Variants in KIAA1217 observed in about 807,000 individuals in gnomAD.
KIAA1217 encodes the protein KIAA1217.
KIAA1217 carries 88 observed loss-of-function variants against 163.9 expected under a neutral mutation model. The ratio of observed to expected loss-of-function variants is 0.54; its 90% CI spans 0.45 to 0.64. The LOEUF is 0.64. Among genes scored for constraint, KIAA1217 ranks in the 30% least tolerant of loss-of-function variants. The pLI, the probability that KIAA1217 is intolerant of heterozygous loss-of-function variation, is 0.00. For missense variants in KIAA1217, 2,372 were observed against 2,475.0 expected (o/e 0.96, Z 0.88); for synonymous variants, 903 against 923.1 (o/e 0.98, Z 0.39).
chr10:24,516,769 T>C (rs2070242389), intron 10 of KIAA1217, among the ~76,000 whole-genome samples: 1 of 152,178 alleles, frequency 6.6e-6, no homozygotes, highest in African/African-American at 2.4e-5. Context: ...CTGAACCACA[T>C]AGTAGAAGTA....
At chr10:24,494,680 C>A in intron 7 of KIAA1217, 76 bp downstream of exon 7, 3 of 1,014,250 alleles carry the variant, frequency 3.0e-6, no homozygotes, top group East Asian at 2.5e-5. Flanking sequence ...TTCATTCATT[C>A]AAATCTGTTT....
intron 5 of KIAA1217, among the ~76,000 whole-genome samples, chr10:24,461,892 G>A (rs2062443055): frequency 6.6e-6 from 1 of 152,084 alleles, no homozygotes; most frequent in Non-Finnish European, 1.5e-5. Flanking sequence ...GTGCCTCTGT[G>A]GGTGGTGCAT....
At position 24,505,447 on chromosome 10, in the gene KIAA1217, G is replaced by GA. The variant is rs1252572953; in HGVS notation, c.2001+3909dup. On this transcript the variant is annotated intron_variant, in intron 9 of 20. Coordinates refer to ENST00000376454, the MANE Select transcript of KIAA1217 (RefSeq NM_019590.5). ...CTGTTACCTTTCCTGATATCATTTT[G>GA]AAAAAAAGCCCACTTTTTCTAAATA... is the stretch of plus-strand genomic sequence containing the variant. Among the ~76,000 whole-genome samples, 7 of 151,536 alleles carry GA rather than the reference G, an allele frequency of 4.6e-5. No homozygotes were observed. The East Asian group carries it at 7.7e-4, about 17-fold the overall frequency.
At chr10:24,236,376 A>G (rs2072267540) in intron 2 of KIAA1217, among the ~76,000 whole-genome samples, 1 of 151,934 alleles carries the variant, frequency 6.6e-6, no homozygotes, top group Non-Finnish European at 1.5e-5. Flanking sequence ...TCAGCCTCCC[A>G]AGTAGTTGGG....
chr10:23,840,166 T>A (rs898825856), intron 1 of KIAA1217, among the ~76,000 whole-genome samples: 2 of 152,038 alleles, frequency 1.3e-5, no homozygotes, highest in Non-Finnish European at 2.9e-5. Flanking sequence ...GCTTCTTTTT[T>A]TTTTTTGAGA....
At chr10:24,479,652 A>G (rs1224754412) in intron 6 of KIAA1217, among the ~76,000 whole-genome samples, 1 of 152,170 alleles carries the variant, frequency 6.6e-6, no homozygotes, top group Non-Finnish European at 1.5e-5. Flanking sequence ...GGTACTTTGT[A>G]AAGAGAAGAG....
intron 2 of KIAA1217, among the ~76,000 whole-genome samples, chr10:24,295,752 A>C (rs757227158): frequency 6.6e-6 from 1 of 151,964 alleles, no homozygotes; most frequent in Non-Finnish European, 1.5e-5. Flanking sequence ...TCTCCCTTCT[A>C]TACCTCCCTA....
chr10:23,800,768 CAAT>C, intron 1 of KIAA1217, among the ~76,000 whole-genome samples: 1 of 152,138 alleles, frequency 6.6e-6, no homozygotes, highest in African/African-American at 2.4e-5. Context: ...ATCAAAACTA[CAAT>C]GAGATACCAT....
intron 6 of KIAA1217, among the ~76,000 whole-genome samples, chr10:24,486,154 G>T (rs1285073951): frequency 6.6e-6 from 1 of 152,166 alleles, no homozygotes; most frequent in Non-Finnish European, 1.5e-5. Flanking sequence ...TGCTGCAGTG[G>T]TCTCCCAAGA....
intron 3 of KIAA1217, among the ~76,000 whole-genome samples, chr10:24,393,130 A>C (rs560453121): frequency 6.6e-6 from 1 of 152,332 alleles, no homozygotes; most frequent in East Asian, 1.9e-4. Context: ...ACCCAAGTAG[A>C]ACTTCATCCT....
chr10:23,706,968 C>G (rs1246703807), intron 1 of KIAA1217, among the ~76,000 whole-genome samples: 1 of 152,078 alleles, frequency 6.6e-6, no homozygotes, highest in African/African-American at 2.4e-5. Flanking sequence ...TGGGTATATC[C>G]TATGTAAAGA....
chr10:24,139,116 A>C (rs1446762056), intron 2 of KIAA1217, among the ~76,000 whole-genome samples: 2 of 152,018 alleles, frequency 1.3e-5, no homozygotes, highest in African/African-American at 2.4e-5. Flanking sequence ...CTGTATAATT[A>C]TTTGTATCTT....
At chr10:24,093,242 C>G (rs545489744) in intron 2 of KIAA1217, among the ~76,000 whole-genome samples, 2 of 151,850 alleles carry the variant, frequency 1.3e-5, no homozygotes, top group Non-Finnish European at 1.5e-5. Context: ...ACCATCTCGG[C>G]TCACTGCAGC....
intron 2 of KIAA1217, among the ~76,000 whole-genome samples, chr10:24,174,326 A>G (rs959025542): frequency 2.0e-5 from 3 of 152,224 alleles, no homozygotes; most frequent in South Asian, 2.1e-4. Flanking sequence ...TGTCCCAGGT[A>G]TCTCTGCACA....
chr10:24,388,025 G>A (rs1477347514), intron 3 of KIAA1217, among the ~76,000 whole-genome samples: 1 of 152,168 alleles, frequency 6.6e-6, no homozygotes, highest in Non-Finnish European at 1.5e-5. Flanking sequence ...AGCTACCAAT[G>A]ACTTTCTTCA....
At chr10:24,072,897 G>T (rs181952828) in intron 2 of KIAA1217, among the ~76,000 whole-genome samples, 9 of 151,898 alleles carry the variant, frequency 5.9e-5, no homozygotes, top group African/African-American at 1.9e-4. Flanking sequence ...CATCTCTACA[G>T]AAATACAAAA....
chr10:24,364,316 T>C (rs2050459388), intron 2 of KIAA1217, among the ~76,000 whole-genome samples: 1 of 152,166 alleles, frequency 6.6e-6, no homozygotes. Context: ...TTCTATCGTA[T>C]AGTCAAAGCC....
At chr10:23,778,186 C>T (rs117630821) in intron 1 of KIAA1217, among the ~76,000 whole-genome samples, 4 of 152,126 alleles carry the variant, frequency 2.6e-5, no homozygotes, top group East Asian at 1.9e-4. Flanking sequence ...TGATTCCCCC[C>T]CCTTCGGCCT....
chr10:24,530,914 G>T (rs763468285), intron 14 of KIAA1217, among the ~76,000 whole-genome samples: 4 of 151,900 alleles, frequency 2.6e-5, no homozygotes, highest in Non-Finnish European at 5.9e-5. Context: ...AACAAAAAAG[G>T]CCTGGTGCAG....
Sources: allele counts gnomAD v4.1 joint callset (sites outside exome capture counted in the v4.1 genomes callset), GRCh38; gene constraint gnomAD v4.1.1; transcripts MANE v1.5; gene names NCBI Gene and HGNC (gene_info 2026-07-23, HGNC 2026-07-21).